The following GPHN variants were observed in gnomAD, a reference collection of about 807,000 sequenced individuals.
GPHN encodes the protein gephyrin.
Under a neutral mutation model 95.5 loss-of-function variants are expected in GPHN, and 17 were observed. That is an observed-to-expected ratio of 0.18 (90% CI 0.12 to 0.27). GPHN has a LOEUF of 0.27. GPHN is among the 10% of genes least tolerant of loss of function. The probability of loss-of-function intolerance (pLI) is 1.00; values close to 1 mark genes in which losing one functional copy is unlikely to be tolerated. For missense variants in GPHN, 660 were observed against 978.1 expected, an observed-to-expected ratio of 0.67 and a Z score of 4.34; for synonymous variants, 320 against 322.5, an observed-to-expected ratio of 0.99 and a Z score of 0.08.
intron 1 of GPHN, among the ~76,000 whole-genome samples, chr14:66,621,941 C>T (rs1020143845): frequency 1.9e-4 from 29 of 152,102 alleles, no homozygotes; most frequent in African/African-American, 6.8e-4. Flanking sequence ...ATTATGGGGT[C>T]TGGAGGATGG....
chr14:67,561,821 A>G, the GPHN span: 683,045 of 683,052 alleles, frequency 1, 341,519 homozygotes, highest in Middle Eastern at 1. Context: ...AGTGAGCCAA[A>G]ATTGCTCCAC....
intron 10 of GPHN, among the ~76,000 whole-genome samples, chr14:67,043,593 G>A (rs951921155): frequency 6.6e-6 from 1 of 152,142 alleles, no homozygotes; most frequent in Non-Finnish European, 1.5e-5. Flanking sequence ...TGATCATGGT[G>A]GATAAGATTT....
At chr14:66,627,035 A>C (rs2063551972) in intron 1 of GPHN, among the ~76,000 whole-genome samples, 1 of 151,986 alleles carries the variant, frequency 6.6e-6, no homozygotes, top group African/African-American at 2.4e-5. Context: ...TAGATCTTTT[A>C]TATAAAATAT....
chr14:67,208,759 C>T, the GPHN span, among the ~76,000 whole-genome samples: 9 of 151,726 alleles, frequency 5.9e-5, no homozygotes, highest in African/African-American at 1.5e-4. Flanking sequence ...TAGCCAGGCG[C>T]GGTGGCGGGC....
intron 1 of GPHN, among the ~76,000 whole-genome samples, chr14:66,654,745 A>G (rs1183861881): frequency 1.3e-5 from 2 of 151,990 alleles, no homozygotes; most frequent in Non-Finnish European, 2.9e-5. Context: ...ACTCCAGAAG[A>G]TTTTCTCCTA....
chr14:67,518,975 A>G, the GPHN span, among the ~76,000 whole-genome samples: 3 of 152,234 alleles, frequency 2.0e-5, no homozygotes, highest in Admixed American at 6.5e-5. Context: ...AAGCAGAAGA[A>G]GCATTGAAGT....
At chr14:67,676,325 A>G in the GPHN span, among the ~76,000 whole-genome samples, 1 of 152,228 alleles carries the variant, frequency 6.6e-6, no homozygotes, top group Admixed American at 6.5e-5. Flanking sequence ...CTTAATATGC[A>G]CTGAGCATAG....
chr14:67,097,874 A>C (rs995118094), intron 12 of GPHN, among the ~76,000 whole-genome samples: 1 of 152,206 alleles, frequency 6.6e-6, no homozygotes, highest in African/African-American at 2.4e-5. Flanking sequence ...ACACACACAT[A>C]TATAACATAT....
the GPHN span, chr14:67,392,952 G>A: frequency 9.7e-7 from 1 of 1,031,988 alleles, no homozygotes; most frequent in Non-Finnish European, 1.4e-6. Context: ...CAGCCTCAGG[G>A]CTCTACGCAA....
At chr14:66,628,873 A>G (rs2063621827) in intron 1 of GPHN, among the ~76,000 whole-genome samples, 1 of 151,324 alleles carries the variant, frequency 6.6e-6, no homozygotes, top group Non-Finnish European at 1.5e-5. Flanking sequence ...CAGCATGGGG[A>G]AGATAATTAC....
chr14:67,405,587 T>A, the GPHN span, among the ~76,000 whole-genome samples: 4,704 of 152,274 alleles, frequency 0.031, 106 homozygotes, highest in Non-Finnish European at 0.044. Flanking sequence ...CACATTTTAC[T>A]AGGGTTGGTC....
At chr14:66,971,606 T>C (rs2069787922) in intron 9 of GPHN, among the ~76,000 whole-genome samples, 1 of 152,124 alleles carries the variant, frequency 6.6e-6, no homozygotes, top group Non-Finnish European at 1.5e-5. Context: ...ATTGTTCACA[T>C]TTTTTTATAA....
At chr14:67,605,763 A>G in the GPHN span, among the ~76,000 whole-genome samples, 1 of 151,906 alleles carries the variant, frequency 6.6e-6, no homozygotes. Context: ...GCTCACTGCA[A>G]CCTCTGCCTC....
intron 4 of GPHN, among the ~76,000 whole-genome samples, chr14:66,868,450 A>C (rs567555876): frequency 6.6e-6 from 1 of 151,954 alleles, no homozygotes; most frequent in Non-Finnish European, 1.5e-5. Context: ...CTGGAGTTCA[A>C]TGGCACGATT....
intron 12 of GPHN, among the ~76,000 whole-genome samples, chr14:67,099,371 C>T (rs1419034592): frequency 6.6e-5 from 10 of 151,832 alleles, no homozygotes; most frequent in Admixed American, 6.6e-5. Context: ...TCTGCCCGCC[C>T]GGGCCTCCCA....
chr14:67,021,918 CTTGACTTCCAT>C (rs2073650817), intron 9 of GPHN, among the ~76,000 whole-genome samples: 1 of 152,098 alleles, frequency 6.6e-6, no homozygotes, highest in Non-Finnish European at 1.5e-5. Context: ...TGAAGACTTT[CTTGACTTCCAT>C]TTGACTTCTT....
the GPHN span, chr14:67,573,750 C>T: frequency 8.4e-6 from 10 of 1,196,958 alleles, no homozygotes; most frequent in Non-Finnish European, 1.0e-5. This position sits in a 1 kb window ranked among gnomAD's most constrained non-coding sequence, Gnocchi z 4.8. Context: ...ATGAGGTGCT[C>T]CGGAAAGGCT....
the GPHN span, chr14:67,385,658 C>CTTTTTTT: frequency 7.4e-5 from 8 of 107,624 alleles, no homozygotes; most frequent in Non-Finnish European, 7.5e-5. Context: ...CCACTTTTTT[C>CTTTTTTT]TTTTTTTTTT....
chr14:66,930,918 T>C (rs2066756231), intron 8 of GPHN, among the ~76,000 whole-genome samples: 1 of 152,212 alleles, frequency 6.6e-6, no homozygotes, highest in Non-Finnish European at 1.5e-5. Flanking sequence ...TATTCTGTGT[T>C]TGTCTGTGTA....
Sources: gnomAD v4.1 joint callset for allele counts (sites outside exome capture counted in the v4.1 genomes callset) on GRCh38, gnomAD v4.1.1 for gene constraint, Gnocchi (gnomAD v3.1) non-coding constraint, MANE v1.5 for transcripts, NCBI Gene and HGNC (gene_info 2026-07-23, HGNC 2026-07-21) for gene names.